The following NRXN3 variants were observed in gnomAD, a reference collection of about 807,000 sequenced individuals.
The protein encoded by NRXN3 is neurexin III.
Under a neutral mutation model 137.6 loss-of-function variants are expected in NRXN3, and 32 were observed. The observed-to-expected ratio is 0.23, with a 90% CI of 0.18 to 0.31. The LOEUF is 0.31. Ranked by LOEUF, NRXN3 falls within the 10% of genes least tolerant of loss-of-function variation. The pLI, the probability that NRXN3 is intolerant of heterozygous loss-of-function variation, is 1.00. For missense variants in NRXN3, 1,574 were observed against 2,062.5 expected, an observed-to-expected ratio of 0.76 and a Z score of 4.59; for synonymous variants, 798 against 784.5, an observed-to-expected ratio of 1.02 and a Z score of -0.29.
At chr14:78,346,336 C>T (rs1000694009) in intron 4 of NRXN3, among the ~76,000 whole-genome samples, 2 of 152,092 alleles carry the variant, frequency 1.3e-5, no homozygotes, top group Non-Finnish European at 1.5e-5. Context: ...CCCACTCTTA[C>T]CTGGGGCCTG....
At chr14:79,090,110 T>G (rs775361133) in intron 15 of NRXN3, among the ~76,000 whole-genome samples, 1 of 152,176 alleles carries the variant, frequency 6.6e-6, no homozygotes, top group Non-Finnish European at 1.5e-5. Context: ...CTGACTGTAC[T>G]GTAACTTTGG....
intron 10 of NRXN3, among the ~76,000 whole-genome samples, chr14:78,865,679 A>G (rs2099084956): frequency 6.6e-6 from 1 of 152,226 alleles, no homozygotes; most frequent in South Asian, 2.1e-4. Flanking sequence ...CTCCTAGCAT[A>G]AAATTTATTA....
At chr14:78,529,188 T>G (rs930739963) in intron 4 of NRXN3, among the ~76,000 whole-genome samples, 20 of 152,178 alleles carry the variant, frequency 1.3e-4, no homozygotes, top group Non-Finnish European at 2.9e-5. Flanking sequence ...TACAAGTCAG[T>G]TTAGCACCAA....
At chr14:79,047,817 C>T (rs2099635195) in intron 15 of NRXN3, among the ~76,000 whole-genome samples, 1 of 152,158 alleles carries the variant, frequency 6.6e-6, no homozygotes, top group African/African-American at 2.4e-5. Flanking sequence ...CTGAAATTGT[C>T]ATACTTTGCA....
At chr14:78,380,360 T>C (rs1482392431) in intron 4 of NRXN3, among the ~76,000 whole-genome samples, 1 of 151,048 alleles carries the variant, frequency 6.6e-6, no homozygotes, top group African/African-American at 2.4e-5. Context: ...CTGGAATCTG[T>C]GAATGCTACC....
At chr14:79,517,402 C>T (rs921296218) in intron 16 of NRXN3, among the ~76,000 whole-genome samples, 1 of 152,140 alleles carries the variant, frequency 6.6e-6, no homozygotes, top group African/African-American at 2.4e-5. Flanking sequence ...CTTTTCCTCC[C>T]CTAGTTTTTT....
chr14:78,598,405 A>T (rs140598149), intron 4 of NRXN3, among the ~76,000 whole-genome samples: 63 of 151,846 alleles, frequency 4.1e-4, no homozygotes, highest in African/African-American at 1.5e-3. Context: ...AAAGAGCATC[A>T]TCCTTCCTAT....
chr14:78,330,900 G>T (rs557782156), intron 4 of NRXN3, among the ~76,000 whole-genome samples: 11 of 152,202 alleles, frequency 7.2e-5, no homozygotes, highest in African/African-American at 2.4e-4. Context: ...TCATTACTCT[G>T]TAAGTACATA....
At chr14:79,665,250 A>G (rs1461418225) in intron 17 of NRXN3, among the ~76,000 whole-genome samples, 1 of 152,162 alleles carries the variant, frequency 6.6e-6, no homozygotes, top group Non-Finnish European at 1.5e-5. Flanking sequence ...CCCCCAAGGT[A>G]TTGAGGCAAA....
chr14:79,565,348 C>CACACACACATGTGTGT (rs1382372387), intron 16 of NRXN3, among the ~76,000 whole-genome samples: 5 of 142,064 alleles, frequency 3.5e-5, no homozygotes, highest in African/African-American at 1.3e-4. Context: ...CATATGTGTG[C>CACACACACATGTGTGT]GTATATGTAT....
chr14:78,753,592 T>C (rs1227017906), intron 8 of NRXN3: 1 of 152,194 alleles, frequency 6.6e-6, no homozygotes, highest in African/African-American at 2.4e-5. Flanking sequence ...GCAGCTGAGA[T>C]TTGAATGGTA....
At chr14:79,214,461 A>G (rs1246532044) in intron 15 of NRXN3, among the ~76,000 whole-genome samples, 1 of 152,226 alleles carries the variant, frequency 6.6e-6, no homozygotes, top group Non-Finnish European at 1.5e-5. Context: ...AATAGCTAGA[A>G]GGAGGATGTT....
chr14:78,305,410 G>T (rs2077271134), intron 4 of NRXN3, among the ~76,000 whole-genome samples: 1 of 152,134 alleles, frequency 6.6e-6, no homozygotes, highest in Non-Finnish European at 1.5e-5. Context: ...GTCCTTTAAA[G>T]TTCAGAAGCC....
chr14:79,137,456 C>T (rs912359432), intron 15 of NRXN3, among the ~76,000 whole-genome samples: 10 of 8,410 alleles, frequency 1.2e-3, no homozygotes, highest in African/African-American at 3.8e-3. Flanking sequence ...AAACCTGAGA[C>T]ATAAACAATG....
At chr14:78,932,512 G>A (rs1036868803) in intron 10 of NRXN3, among the ~76,000 whole-genome samples, 3 of 152,052 alleles carry the variant, frequency 2.0e-5, no homozygotes, top group Non-Finnish European at 2.9e-5. Flanking sequence ...GATTGCATTG[G>A]ATACAATATT....
At chr14:79,026,984 A>T (rs372067192) in intron 15 of NRXN3, among the ~76,000 whole-genome samples, 48 of 7,836 alleles carry the variant, frequency 6.1e-3, no homozygotes, top group Non-Finnish European at 0.025. Flanking sequence ...ATATATATAT[A>T]TATATATATA....
At chr14:78,462,209 G>A (rs1476301217) in intron 4 of NRXN3, among the ~76,000 whole-genome samples, 1 of 152,134 alleles carries the variant, frequency 6.6e-6, no homozygotes, top group Non-Finnish European at 1.5e-5. Flanking sequence ...TCCTTTGGAT[G>A]CCTTGATCCA....
chr14:78,360,965 G>A (rs971572020), intron 4 of NRXN3, among the ~76,000 whole-genome samples: 1 of 152,178 alleles, frequency 6.6e-6, no homozygotes, highest in Non-Finnish European at 1.5e-5. Context: ...CAACAGTGAT[G>A]ATGATTTCTC....
chr14:79,790,169 C>A (rs1296537847), intron 19 of NRXN3, among the ~76,000 whole-genome samples: 3 of 152,118 alleles, frequency 2.0e-5, no homozygotes, highest in Admixed American at 6.5e-5. Flanking sequence ...TTATTTGGCT[C>A]ACAGTCTGTA....
Sources: gnomAD v4.1 joint callset for allele counts (sites outside exome capture counted in the v4.1 genomes callset) on GRCh38, gnomAD v4.1.1 for gene constraint, MANE v1.5 for transcripts, NCBI Gene and HGNC (gene_info 2026-07-23, HGNC 2026-07-21) for gene names.